Variants in STARD9 observed in about 807,000 individuals in gnomAD.
The protein encoded by STARD9 is stAR-related lipid transfer protein 9.
STARD9 carries 346 observed loss-of-function variants against 399.8 expected under a neutral mutation model. That is an observed-to-expected ratio of 0.87 (90% CI 0.79 to 0.95). The LOEUF is 0.95. Among genes scored for constraint, STARD9 ranks in the 40% least tolerant of loss-of-function variants. The probability of loss-of-function intolerance (pLI) is 0.00; values close to 1 mark genes in which losing one functional copy is unlikely to be tolerated. For synonymous variants in STARD9, 2,203 were observed against 2,143.5 expected, an observed-to-expected ratio of 1.03 and a Z score of -0.77; for missense variants, 5,832 against 5,667.5, an observed-to-expected ratio of 1.03 and a Z score of -0.93.
intron 2 of STARD9, 55 bp downstream of exon 2, chr15:42,583,470 A>G: frequency 7.7e-7 from 1 of 1,293,614 alleles, no homozygotes; most frequent in Non-Finnish European, 1.1e-6. Flanking sequence ...ATATTGTTAC[A>G]GGGGCTTCCA....
chr15:42,685,448 T>C lies in STARD9; in HGVS notation c.3870T>C (p.His1290=), dbSNP rs1257646208. The C allele has an allele frequency of 5.2e-6, 8 of 1,536,436 alleles. No homozygotes were observed. The African/African-American group carries it at 9.6e-5, about 18-fold the overall frequency. The change falls in exon 23 of 33, where the codon CAT becomes CAC. Residue 1290 remains histidine, a synonymous_variant. Coordinates refer to ENST00000290607, the MANE Select transcript of STARD9 (RefSeq NM_020759.3). ...QFQPHCELQP[H]CELQPHCELQ... ...AACCCCATTGTGAGCTCCAACCCCA[T>C]TGTGAGCTCCAACCCCATTGTGAGC... is the stretch of plus-strand genomic sequence containing the variant.
In STARD9 at chr15:42,686,310, A is replaced by G. The variant is rs997398098; in HGVS notation, c.4732A>G (p.Ser1578Gly). Residue 1578 changes from serine (S) to glycine (G), a missense_variant, in exon 23 of 33, where the codon AGC becomes GGC. Coordinates refer to ENST00000290607, the MANE Select transcript of STARD9 (RefSeq NM_020759.3). The stretch of plus-strand genomic sequence containing the variant: ...ATTAGAAGGTGTTTCAGATTTCTTT[A>G]GCACTAGTGAGAAAGAGGCGAGTTA... ...AKLEGVSDFF[S>G]TSEKEASYDE... The G allele has an allele frequency of 3.3e-5, 50 of 1,537,290 alleles. No homozygotes were observed. Among genetic ancestry groups the G allele is most frequent in the Non-Finnish European group, 4.1e-5 (47 of 1,146,822 alleles).
intron 3 of STARD9, among the ~76,000 whole-genome samples, chr15:42,631,134 C>G (rs2059324761): frequency 6.6e-6 from 1 of 152,076 alleles, no homozygotes; most frequent in Non-Finnish European, 1.5e-5. Context: ...CATGGACCAC[C>G]ATGCCTGGCC....
In STARD9 at chr15:42,669,352, G is replaced by A; in HGVS notation, c.1497+15G>A. 2 of 1,500,360 alleles carry A rather than the reference G, an allele frequency of 1.3e-6. No homozygotes were observed. Among genetic ancestry groups the A allele is most frequent in the South Asian group, 1.2e-5 (1 of 81,530 alleles). 92.9% of individuals were successfully genotyped at this position (1,500,360 alleles called of 1,614,324 possible). ...ATCATCTCAAGGTGAGGAGGCTAGTGTATCCTTTTCTTCCTAAGCCACTGG... is the reference window on the plus strand; with the variant it reads ...ATCATCTCAAGGTGAGGAGGCTAGTATATCCTTTTCTTCCTAAGCCACTGG... On this transcript the variant is annotated intron_variant, in intron 16 of 32. Coordinates refer to ENST00000290607, the MANE Select transcript of STARD9 (RefSeq NM_020759.3).
rs770713247 is a variant in STARD9, at chr15:42,718,921, C to T, written c.14001+11C>T. 6.5e-7 allele frequency: 1 copy of T among 1,536,716 alleles called. No homozygotes were observed. The highest frequency in any genetic ancestry group is 8.7e-7 in the Non-Finnish European group (1 of 1,146,524). ...ATCTACTTGGCCCAGGTGATAAATC[C>T]TTTGCAGCTGGCCTCACAGCACAGG... On this transcript the variant is annotated intron_variant, in intron 32 of 32. Transcript: ENST00000290607.
intron 21 of STARD9, 107 bp downstream of exon 21, chr15:42,681,719 A>G: frequency 2.0e-6 from 2 of 1,018,866 alleles, no homozygotes; most frequent in Non-Finnish European, 2.8e-6. Flanking sequence ...GATATGATGG[A>G]ATCTTTGGTA....
intron 4 of STARD9, among the ~76,000 whole-genome samples, 161 bp from the exon 5 acceptor site, chr15:42,637,746 A>T (rs2141929598): frequency 6.6e-6 from 1 of 152,280 alleles, no homozygotes; most frequent in Non-Finnish European, 1.5e-5. Flanking sequence ...ACTGGCACAT[A>T]AAAGTCTTCT....
chr15:42,672,174 A>G (rs955808244), intron 16 of STARD9: 4 of 152,274 alleles, frequency 2.6e-5, no homozygotes, highest in Non-Finnish European at 5.9e-5. Context: ...TTTGTTTGTC[A>G]CTAAGTTGGT....
At position 42,663,347 on chromosome 15, in the gene STARD9, G is replaced by A; in HGVS notation, c.935G>A (p.Ser312Asn). The change falls in exon 12 of 33, where the codon AGT (serine) becomes AAT (asparagine). Residue 312 changes from serine (S) to asparagine (N), a missense_variant. By Grantham distance (46) the Ser-to-Asn change is conservative (BLOSUM62 1). This residue lies in a region of STARD9 where 5,828 missense variants were observed against 5,651.1 expected (regional missense o/e 1.03). Coordinates refer to ENST00000290607, the MANE Select transcript of STARD9 (RefSeq NM_020759.3). Reference protein sequence around the residue: ...LNSSVSNGGDSGILSSPSGTS... With the variant: ...LNSSVSNGGDNGILSSPSGTS... ...AGCTCAGTCAGCAATGGTGGTGACA[G>A]TGGGATCCTTAGCTCTCCTTCTGGG... 6.5e-7 allele frequency: 1 copy of A among 1,537,350 alleles called. No individual in the cohort carries two copies. Among genetic ancestry groups the A allele is most frequent in the Non-Finnish European group, 8.7e-7 (1 of 1,146,920 alleles).
intron 7 of STARD9, among the ~76,000 whole-genome samples, chr15:42,639,681 G>A (rs1016379474): frequency 1.3e-5 from 2 of 152,046 alleles, no homozygotes; most frequent in Non-Finnish European, 2.9e-5. Flanking sequence ...TGGCCAACAT[G>A]GTGAAACCTT....
chr15:42,669,157 G>T lies in STARD9; in HGVS notation c.1318-1G>T. The T allele has an allele frequency of 1.3e-6, 2 of 1,531,944 alleles. No homozygotes were observed. Among genetic ancestry groups the T allele is most frequent in the South Asian group, 1.2e-5 (1 of 83,864 alleles). The allele number at this position is 1,531,944 out of a possible 1,614,324, so 94.9% of individuals were successfully genotyped here. On this transcript the variant is annotated splice_acceptor_variant, in intron 15 of 32. Transcript: ENST00000290607. LOFTEE classifies it high-confidence loss of function. ...TCAGATCACCTCCTATACCTCTGCA[G>T]ATAGACCAGCTGACTAAAGACTGGA...
Position 42,650,548 on chromosome 15 carries a change from G to A in STARD9, c.560-468G>A, listed in dbSNP as rs1448434882. Among the ~76,000 whole-genome samples, 3 of 152,148 alleles carry A rather than the reference G, an allele frequency of 2.0e-5. No individual in the cohort carries two copies. The East Asian group carries it at 5.8e-4, about 29-fold the overall frequency. Reference sequence around the variant, plus strand: ...CATCTTTCCAACTCCTGTGGCACTTGGCCATATTGTCTTGTGTAGTGTAAC... The same window carrying A: ...CATCTTTCCAACTCCTGTGGCACTTAGCCATATTGTCTTGTGTAGTGTAAC... On this transcript the variant is annotated intron_variant, in intron 7 of 32. Transcript: ENST00000290607.
intron 6 of STARD9, 170 bp downstream of exon 6, chr15:42,638,257 G>A: frequency 1.5e-6 from 1 of 652,566 alleles, no homozygotes; most frequent in Non-Finnish European, 2.6e-6. Flanking sequence ...GCCCTTGGTT[G>A]TAGGAAACTT....
chr15:42,635,342 ATT>A (rs2059399447), intron 4 of STARD9, among the ~76,000 whole-genome samples: 1 of 150,540 alleles, frequency 6.6e-6, no homozygotes, highest in South Asian at 2.1e-4. Flanking sequence ...TTATTTATAT[ATT>A]TTTGAGACGC....
At position 42,720,559 on chromosome 15, in the gene STARD9, G is replaced by A. The variant is rs539666288; in HGVS notation, c.*985G>A. The A allele has an allele frequency of 6.6e-6, 1 of 152,322 alleles. No homozygotes were observed. Among genetic ancestry groups the A allele is most frequent in the African/African-American group, 2.4e-5 (1 of 41,564 alleles). The allele number at this position is 152,322 out of a possible 1,614,324, so 9.4% of individuals were successfully genotyped here. A position where few individuals can be genotyped will look rare whatever the true frequency, so the allele number is the denominator to read the frequency against. ...TCTGCCCTGGCCCCACCTATCCTAG[G>A]ATGGGGTGGGATGGAGAGTGGGTTC... On this transcript the variant is annotated 3_prime_UTR_variant, in exon 33 of 33. Transcript: ENST00000290607.
chr15:42,694,265 G>T lies in STARD9; in HGVS notation c.12687G>T (p.Gln4229His). The T allele has an allele frequency of 1.3e-6, 2 of 1,525,506 alleles. No individual in the cohort carries two copies. The highest frequency in any genetic ancestry group is 1.8e-6 in the Non-Finnish European group (2 of 1,140,938). 94.5% of individuals were successfully genotyped at this position (1,525,506 alleles called of 1,614,324 possible). A position where few individuals can be genotyped will look rare whatever the true frequency, so the allele number is the denominator to read the frequency against. ...HGFGEADALL[Q>H]VLQSGTGEAL... The stretch of plus-strand genomic sequence containing the variant: ...TTGGGGAGGCCGATGCCCTGCTCCA[G>T]GTGCTGCAGAGTGGGACAGGGGAGG... Residue 4229 changes from glutamine (Q) to histidine (H), a missense_variant, in exon 23 of 33, where the codon CAG becomes CAT. Physicochemically the swap from Gln to His is conservative, Grantham distance 24. Coordinates refer to ENST00000290607, the MANE Select transcript of STARD9 (RefSeq NM_020759.3).
intron 7 of STARD9, 138 bp from the exon 8 acceptor site, chr15:42,650,878 C>A: frequency 5.7e-6 from 3 of 522,806 alleles, no homozygotes; most frequent in Non-Finnish European, 6.8e-6. Context: ...AATTTATTAT[C>A]TGAATGAATT....
Position 42,693,053 on chromosome 15 carries a change from C to A in STARD9, c.11475C>A (p.Pro3825=). The A allele has an allele frequency of 6.5e-7, 1 of 1,537,154 alleles. No homozygotes were observed. Among genetic ancestry groups the A allele is most frequent in the Non-Finnish European group, 8.7e-7 (1 of 1,146,866 alleles). ...CCCACTTGAGGTTTCAGAAAGCCCC[C>A]GTTGGGCAGCATCTTCCTTCTGTGA... ...PSSHLRFQKA[P]VGQHLPSVSP... The change falls in exon 23 of 33, where the codon CCC becomes CCA. Residue 3825 remains proline (P), a synonymous_variant. Transcript: ENST00000290607.
intron 3 of STARD9, among the ~76,000 whole-genome samples, chr15:42,610,484 T>C (rs892528371): frequency 5.3e-5 from 8 of 152,224 alleles, no homozygotes; most frequent in Non-Finnish European, 1.2e-4. Context: ...GAAATAAACT[T>C]CATTGTTTAA....
Sources: gnomAD v4.1 joint callset for allele counts (sites outside exome capture counted in the v4.1 genomes callset) on GRCh38, gnomAD v4.1.1 for gene constraint, gnomAD v4.1.1 regional missense constraint, MANE v1.5 for transcripts, NCBI Gene and HGNC (gene_info 2026-07-23, HGNC 2026-07-21) for gene names.